The following NRG3 variants were observed in gnomAD, a reference collection of about 807,000 sequenced individuals.
The protein encoded by NRG3 is neuregulin 3, also known as pro-neuregulin-3, membrane-bound isoform.
In NRG3, 31 loss-of-function variants were observed where a neutral mutation model predicts 66.9. That is an observed-to-expected ratio of 0.46 (90% confidence interval 0.35 to 0.63). The LOEUF is 0.63. Ranked by LOEUF, NRG3 falls within the 20% of genes least tolerant of loss-of-function variation. NRG3 has a pLI of 0.00. For synonymous variants in NRG3, 393 were observed against 359.4 expected (o/e 1.09, Z -1.06); for missense variants, 910 against 878.9 (o/e 1.04, Z -0.45).
intron 3 of NRG3, among the ~76,000 whole-genome samples, chr10:82,771,624 A>C (rs2059714494): frequency 6.6e-6 from 1 of 152,156 alleles, no homozygotes; most frequent in Admixed American, 6.6e-5. Flanking sequence ...AAATAAACTT[A>C]TTCACTTAAT....
At chr10:82,068,444 A>G (rs896409951) in intron 1 of NRG3, among the ~76,000 whole-genome samples, 8 of 152,234 alleles carry the variant, frequency 5.3e-5, no homozygotes, top group African/African-American at 1.9e-4. Flanking sequence ...TTAGGTACCC[A>G]TGTGCAAAAT....
At chr10:82,354,619 T>G (rs2083660627) in intron 1 of NRG3, among the ~76,000 whole-genome samples, 1 of 152,128 alleles carries the variant, frequency 6.6e-6, no homozygotes, top group East Asian at 1.9e-4. Context: ...CTCCAACTCC[T>G]GATCTCAGGT....
intron 1 of NRG3, among the ~76,000 whole-genome samples, chr10:82,091,683 A>C (rs1223562805): frequency 1.3e-5 from 2 of 152,160 alleles, no homozygotes; most frequent in African/African-American, 2.4e-5. Flanking sequence ...CAAAAAATTG[A>C]ATTGCTGAGT....
chr10:82,412,509 T>G (rs1449877164), intron 2 of NRG3, among the ~76,000 whole-genome samples: 1 of 152,162 alleles, frequency 6.6e-6, no homozygotes, highest in Non-Finnish European at 1.5e-5. Context: ...CTTTTGCTGG[T>G]GGGGAGTCCT....
At chr10:82,396,088 C>G (rs1234316027) in intron 2 of NRG3, among the ~76,000 whole-genome samples, 1 of 152,122 alleles carries the variant, frequency 6.6e-6, no homozygotes, top group Admixed American at 6.5e-5. Context: ...GTTTTTTAAG[C>G]CTTGGCAAAT....
chr10:82,846,764 C>G (rs965421957), intron 3 of NRG3, among the ~76,000 whole-genome samples: 1 of 152,058 alleles, frequency 6.6e-6, no homozygotes, highest in Non-Finnish European at 1.5e-5. Flanking sequence ...CACTTATAAA[C>G]GATATAAATC....
At chr10:82,603,630 T>G (rs887484324) in intron 2 of NRG3, among the ~76,000 whole-genome samples, 1 of 152,014 alleles carries the variant, frequency 6.6e-6, no homozygotes. Flanking sequence ...AGCGTAAGCT[T>G]AAGAGAAAGA....
chr10:82,102,075 C>CATATATATATGTGTATTCAT (rs1450069845), intron 1 of NRG3, among the ~76,000 whole-genome samples: 3 of 113,302 alleles, frequency 2.6e-5, no homozygotes, highest in African/African-American at 7.0e-5. Context: ...TGTGTGTATA[C>CATATATATATGTGTATTCAT]ATATATATAT....
At chr10:82,764,114 A>C (rs1327976587) in intron 3 of NRG3, among the ~76,000 whole-genome samples, 1 of 151,996 alleles carries the variant, frequency 6.6e-6, no homozygotes, top group East Asian at 1.9e-4. Flanking sequence ...GGCTCACTGC[A>C]ACTTCTGCCT....
chr10:82,602,132 G>A (rs1359719687), intron 2 of NRG3, among the ~76,000 whole-genome samples: 1 of 151,554 alleles, frequency 6.6e-6, no homozygotes. Context: ...CTTAGTATAT[G>A]CAATTCTTTT....
intron 2 of NRG3, among the ~76,000 whole-genome samples, chr10:82,706,245 G>C (rs1420215422): frequency 6.6e-6 from 1 of 152,136 alleles, no homozygotes; most frequent in African/African-American, 2.4e-5. Flanking sequence ...GCAACAGAAG[G>C]CATACCTCCC....
At chr10:82,359,881 A>G (rs2084016266) in intron 2 of NRG3, among the ~76,000 whole-genome samples, 2 of 152,172 alleles carry the variant, frequency 1.3e-5, no homozygotes, top group Admixed American at 6.5e-5. Context: ...ATAGTTATGA[A>G]CTTAGAACAT....
chr10:82,465,289 C>T (rs951588500), intron 2 of NRG3, among the ~76,000 whole-genome samples: 1 of 152,170 alleles, frequency 6.6e-6, no homozygotes, highest in Non-Finnish European at 1.5e-5. Flanking sequence ...AGAGTGTTCT[C>T]TCTGGGTTGT....
chr10:82,040,430 A>G (rs2062982878), intron 1 of NRG3, among the ~76,000 whole-genome samples: 1 of 151,638 alleles, frequency 6.6e-6, no homozygotes, highest in Non-Finnish European at 1.5e-5. Context: ...GTAATCTTTC[A>G]TAATATCTTT....
At chr10:82,901,461 A>G (rs1844214785) in intron 4 of NRG3, among the ~76,000 whole-genome samples, 2 of 152,166 alleles carry the variant, frequency 1.3e-5, no homozygotes, top group African/African-American at 2.4e-5. Context: ...AAAAAATACA[A>G]TTCATAAAAG....
At chr10:82,956,438 G>C (rs1298683009) in intron 5 of NRG3, among the ~76,000 whole-genome samples, 2 of 151,868 alleles carry the variant, frequency 1.3e-5, no homozygotes, top group East Asian at 3.9e-4. Context: ...GAGAGAGGAG[G>C]GATGGTAGAT....
At chr10:82,309,748 A>G (rs2080926969) in intron 1 of NRG3, among the ~76,000 whole-genome samples, 1 of 152,184 alleles carries the variant, frequency 6.6e-6, no homozygotes, top group Non-Finnish European at 1.5e-5. Context: ...AGCAAAAACA[A>G]AGTCCTGGAA....
intron 2 of NRG3, among the ~76,000 whole-genome samples, chr10:82,394,738 T>C (rs1315451873): frequency 6.6e-6 from 1 of 152,340 alleles, no homozygotes; most frequent in East Asian, 1.9e-4. Context: ...TTTTAATTAA[T>C]GTGGTTTGTC....
At chr10:82,445,549 G>T (rs557582459) in intron 2 of NRG3, among the ~76,000 whole-genome samples, 4 of 152,096 alleles carry the variant, frequency 2.6e-5, no homozygotes, top group Non-Finnish European at 5.9e-5. Flanking sequence ...TTCTCCCACT[G>T]TTTCCCTTAG....
Sources: gnomAD v4.1 joint callset for allele counts (sites outside exome capture counted in the v4.1 genomes callset) on GRCh38, gnomAD v4.1.1 for gene constraint, MANE v1.5 for transcripts, NCBI Gene and HGNC (gene_info 2026-07-23, HGNC 2026-07-21) for gene names.